The following FA2H variants were observed in gnomAD, a reference collection of about 807,000 sequenced individuals.
The protein encoded by FA2H is fatty acid alpha-hydroxylase.
FA2H carries 22 observed loss-of-function variants against 44.9 expected under a neutral mutation model. The observed-to-expected ratio is 0.49, with a 90% CI of 0.35 to 0.70. FA2H has a LOEUF of 0.70. Among genes scored for constraint, FA2H ranks in the 30% least tolerant of loss-of-function variants. The pLI, the probability that FA2H is intolerant of heterozygous loss-of-function variation, is 0.01. For missense variants in FA2H, 501 were observed against 504.9 expected (o/e 0.99, Z 0.07); for synonymous variants, 243 against 213.2 (o/e 1.14, Z -1.22).
At chr16:74,729,669 C>G (rs529573973) in intron 2 of FA2H, among the ~76,000 whole-genome samples, 2 of 152,282 alleles carry the variant, frequency 1.3e-5, no homozygotes, top group South Asian at 4.1e-4. Context: ...TAATCTGGAC[C>G]GAATCCAGGA....
chr16:74,760,087 G>A (rs955280137), intron 1 of FA2H, among the ~76,000 whole-genome samples: 4 of 152,080 alleles, frequency 2.6e-5, no homozygotes, highest in African/African-American at 9.7e-5. Flanking sequence ...AGGGATCATC[G>A]TTATCCAAGT....
At chr16:74,727,190 T>C in intron 3 of FA2H, 54 bp downstream of exon 3, 1 of 1,612,458 alleles carries the variant, frequency 6.2e-7, no homozygotes, top group Non-Finnish European at 8.5e-7. Context: ...CCATATCTGA[T>C]TGGCACCGTC....
intron 1 of FA2H, among the ~76,000 whole-genome samples, chr16:74,770,655 G>A (rs947624143): frequency 6.6e-6 from 1 of 152,222 alleles, no homozygotes; most frequent in African/African-American, 2.4e-5. Flanking sequence ...ATAAGCATGA[G>A]CCACTGTGCC....
At position 74,774,523 on chromosome 16, in the gene FA2H, TC is replaced by T; in HGVS notation, c.232del (p.Glu78SerfsTer21). The T allele has an allele frequency of 6.4e-7, 1 of 1,551,696 alleles. No individual in the cohort carries two copies. Among genetic ancestry groups the T allele is most frequent in the Non-Finnish European group, 8.6e-7 (1 of 1,158,510 alleles). On this transcript the variant is annotated frameshift_variant, in exon 1 of 7. Coordinates refer to ENST00000219368, the MANE Select transcript of FA2H (RefSeq NM_024306.5). LOFTEE classifies it high-confidence loss of function. ...RHSANARRWL[E>X]QYYVGELRGE... ...GCGGAGCTCTCCCACGTAGTACTGC[TC>T]CAGCCAGCGGCGCGCGTTGGCCGAG... is the stretch of plus-strand genomic sequence containing the variant.
rs2144672586 is a variant in FA2H at position 74,774,643 on chromosome 16, C to T, written c.113G>A (p.Ser38Asn). The T allele has an allele frequency of 6.7e-7, 1 of 1,487,948 alleles. No individual in the cohort carries two copies. The highest frequency in any genetic ancestry group is 2.9e-5 in the East Asian group (1 of 34,990). 92.2% of individuals were successfully genotyped at this position (1,487,948 alleles called of 1,614,324 possible). ...GCCCCCCGGGTGGTGCCGCACGAAG[C>T]TGGAGAGGTCGTAGAGGCGGGCCCC... ...RRGARLYDLS[S>N]FVRHHPGGEQ... Residue 38 changes from serine to asparagine, a missense_variant, in exon 1 of 7, where the codon AGC becomes AAC. Transcript: ENST00000219368.
intron 2 of FA2H, among the ~76,000 whole-genome samples, chr16:74,727,797 T>C (rs1961990726): frequency 6.6e-6 from 1 of 152,230 alleles, no homozygotes; most frequent in African/African-American, 2.4e-5. Context: ...ATCTGAAGTT[T>C]AAAGTCTTGC....
At chr16:74,736,963 C>T (rs1049749938) in intron 2 of FA2H, among the ~76,000 whole-genome samples, 2 of 152,134 alleles carry the variant, frequency 1.3e-5, no homozygotes, top group African/African-American at 4.8e-5. Flanking sequence ...CCTTATCCCT[C>T]GTGCTGTCAG....
In FA2H at chr16:74,722,911, C is replaced by CAA. The variant is rs554074212; in HGVS notation, c.613+3312_613+3313dup. 9.6e-4 allele frequency among the ~76,000 whole-genome samples: 108 copies of CAA among 112,116 alleles called. 1 individual carries two copies. Among genetic ancestry groups the CAA allele is most frequent in the African/African-American group, 2.9e-3 (86 of 29,460 alleles). The allele number at this position is 112,116 out of a possible 152,430, so 73.6% of individuals were successfully genotyped here. A position where few individuals can be genotyped will look rare whatever the true frequency, so the allele number is the denominator to read the frequency against. On this transcript the variant is annotated intron_variant, in intron 4 of 6. Transcript: ENST00000219368. ...GGGCAATAAGAGTGAAACTCCATCT[C>CAA]AAAAAAAAAAAAAAAAAAAAAAATC... is the stretch of plus-strand genomic sequence containing the variant.
intron 2 of FA2H, among the ~76,000 whole-genome samples, chr16:74,732,515 C>A (rs1040825302): frequency 6.6e-6 from 1 of 151,770 alleles, no homozygotes; most frequent in Non-Finnish European, 1.5e-5. Context: ...CGGCTCACTG[C>A]AACCTCCACT....
chr16:74,745,375 G>C (rs1386217484), intron 1 of FA2H, among the ~76,000 whole-genome samples: 1 of 152,234 alleles, frequency 6.6e-6, no homozygotes, highest in Non-Finnish European at 1.5e-5. Flanking sequence ...TAGCGAGCAG[G>C]TGGGTGGCCT....
chr16:74,722,353 C>A (rs1597543153), intron 4 of FA2H, among the ~76,000 whole-genome samples: 2 of 151,590 alleles, frequency 1.3e-5, no homozygotes, highest in Admixed American at 6.6e-5. Flanking sequence ...CTGGGCAACA[C>A]AGTGAGACCC....
intron 1 of FA2H, among the ~76,000 whole-genome samples, chr16:74,759,706 G>A (rs1962671368): frequency 6.6e-6 from 1 of 152,254 alleles, no homozygotes; most frequent in Non-Finnish European, 1.5e-5. Flanking sequence ...AGCCATGCTG[G>A]CTGGAAGGCG....
chr16:74,717,760 C>T (rs1426783817), intron 5 of FA2H, among the ~76,000 whole-genome samples: 1 of 152,212 alleles, frequency 6.6e-6, no homozygotes, highest in East Asian at 1.9e-4. Flanking sequence ...GGAAGTGTCT[C>T]AAAAGAGGGA....
At chr16:74,747,219 G>A (rs968963297) in intron 1 of FA2H, among the ~76,000 whole-genome samples, 6 of 152,076 alleles carry the variant, frequency 3.9e-5, no homozygotes, top group South Asian at 2.1e-4. Context: ...GCTGAGGCAG[G>A]AGAATTGCTT....
chr16:74,774,605 G>A lies in FA2H; in HGVS notation c.151C>T (p.Arg51Trp), dbSNP rs1205480989. ...RHHPGGEQLL[R>W]ARAGQDISAD... ...CTGATGTCCTGGCCCGCCCTGGCCC[G>A]CAGCAGCTGCTCGCCCCCCGGGTGG... Residue 51 changes from arginine (R) to tryptophan (W), a missense_variant, in exon 1 of 7, where the codon CGG becomes TGG. Physicochemically the swap from Arg to Trp is moderately radical, Grantham distance 101 (BLOSUM62 -3). Coordinates refer to ENST00000219368, the MANE Select transcript of FA2H (RefSeq NM_024306.5). 6.6e-7 allele frequency: 1 copy of A among 1,522,458 alleles called. No individual in the cohort carries two copies. The highest frequency in any genetic ancestry group is 1.2e-5 in the South Asian group (1 of 81,604). 94.3% of individuals were successfully genotyped at this position (1,522,458 alleles called of 1,614,324 possible).
In FA2H at chr16:74,718,994, G is replaced by A. The variant is rs1278973451; in HGVS notation, c.780C>T (p.His260=). 4 of 1,613,664 alleles carry A rather than the reference G, an allele frequency of 2.5e-6. No individual in the cohort carries two copies. The highest frequency in any genetic ancestry group is 2.2e-5 in the East Asian group (1 of 44,898). The stretch of plus-strand genomic sequence containing the variant: ...GGGACCCCGCCCCGCTCACCTTGTG[G>A]TGCTGGCCGTGCATGACGAAGTGCA... ...IMLHFVMHGQ[H]HKAPFDGSRL... The change falls in exon 5 of 7, where the codon CAC becomes CAT. Residue 260 remains histidine (H), a synonymous_variant. Transcript: ENST00000219368.
chr16:74,744,534 C>T (rs1962379685), intron 1 of FA2H, among the ~76,000 whole-genome samples: 1 of 151,204 alleles, frequency 6.6e-6, no homozygotes, highest in Non-Finnish European at 1.5e-5. Context: ...TCACTGCAGC[C>T]TCAACCTCCT....
chr16:74,768,139 G>A (rs527699548), intron 1 of FA2H, among the ~76,000 whole-genome samples: 6 of 152,342 alleles, frequency 3.9e-5, no homozygotes, highest in South Asian at 2.1e-4. Context: ...TGCTGTTGCC[G>A]AAGCATCAGT....
At chr16:74,763,424 G>A (rs577557721) in intron 1 of FA2H, among the ~76,000 whole-genome samples, 4 of 151,886 alleles carry the variant, frequency 2.6e-5, no homozygotes, top group Admixed American at 6.6e-5. Context: ...CACCCGGCTA[G>A]TTTTTGTATT....
Sources: gnomAD v4.1 joint callset for allele counts (sites outside exome capture counted in the v4.1 genomes callset) on GRCh38, gnomAD v4.1.1 for gene constraint, MANE v1.5 for transcripts, NCBI Gene and HGNC (gene_info 2026-07-23, HGNC 2026-07-21) for gene names.